CD84: variants seen among roughly 807,000 people sequenced by gnomAD.
CD84 encodes the protein SLAM family member 5.
Under a neutral mutation model 33.8 loss-of-function variants are expected in CD84, and 22 were observed. The ratio of observed to expected loss-of-function variants is 0.65; its 90% CI spans 0.46 to 0.93. CD84 has a LOEUF of 0.93. Ranked by LOEUF, CD84 falls within the 40% of genes least tolerant of loss-of-function variation. The probability of loss-of-function intolerance (pLI) is 0.00; values close to 1 mark genes in which losing one functional copy is unlikely to be tolerated. For synonymous variants in CD84, 154 were observed against 145.2 expected (o/e 1.06, Z -0.44); for missense variants, 400 against 397.6 (o/e 1.01, Z -0.05).
In CD84 at chr1:160,546,869, C is replaced by A. The variant is rs3733266; in HGVS notation, c.*1387G>T. The A allele has an allele frequency of 1.4e-5, 5 of 360,214 alleles. No individual in the cohort carries two copies. Among genetic ancestry groups the A allele is most frequent in the East Asian group, 4.1e-5 (1 of 24,676 alleles). 22.3% of individuals were successfully genotyped at this position (360,214 alleles called of 1,614,324 possible). ...CTTCTACTTTGGGGCCTTGCAGCTC[C>A]TAACATAGTGCTAATGGTAGTTGGT... On this transcript the variant is annotated 3_prime_UTR_variant, in exon 7 of 7. Coordinates refer to ENST00000368054, the MANE Select transcript of CD84 (RefSeq NM_003874.4).
intron 1 of CD84, among the ~76,000 whole-genome samples, chr1:160,574,800 T>C (rs970296844): frequency 2.8e-4 from 42 of 152,154 alleles, no homozygotes; most frequent in African/African-American, 9.4e-4. Flanking sequence ...AAGGTAATAG[T>C]AGCACAATAT....
chr1:160,553,341 G>A (rs771333250), intron 4 of CD84, 37 bp downstream of exon 4: 46 of 1,613,968 alleles, frequency 2.9e-5, no homozygotes, highest in Admixed American at 1.8e-4. Flanking sequence ...AGGAGAGAAG[G>A]TGAGTTTCCA....
Position 160,547,368 on chromosome 1 carries a change from T to A in CD84, c.*888A>T, listed in dbSNP as rs1655889910. 2.5e-6 allele frequency: 1 copy of A among 395,326 alleles called. No individual in the cohort carries two copies. Among genetic ancestry groups the A allele is most frequent in the Non-Finnish European group, 4.5e-6 (1 of 224,458 alleles). The allele number at this position is 395,326 out of a possible 1,614,324, so 24.5% of individuals were successfully genotyped here. A position where few individuals can be genotyped will look rare whatever the true frequency, so the allele number is the denominator to read the frequency against. ...TTTTGGAGAGTGGGAATACTGGGCATGGCTGCTTCTTCTGCTGAGGCTGCT... is the reference window on the plus strand; with the variant it reads ...TTTTGGAGAGTGGGAATACTGGGCAAGGCTGCTTCTTCTGCTGAGGCTGCT... On this transcript the variant is annotated 3_prime_UTR_variant, in exon 7 of 7. Transcript: ENST00000368054.
At chr1:160,561,807 CA>C (rs2102168734) in intron 2 of CD84, among the ~76,000 whole-genome samples, 1 of 152,286 alleles carries the variant, frequency 6.6e-6, no homozygotes, top group Admixed American at 6.5e-5. Flanking sequence ...TAAACAACTT[CA>C]GCAATCCTCA....
chr1:160,573,125 G>A lies in CD84; in HGVS notation c.46+6267C>T, dbSNP rs932329991. Among the ~76,000 whole-genome samples, 5 of 152,214 alleles carry A rather than the reference G, an allele frequency of 3.3e-5. No individual in the cohort carries two copies. In the South Asian group the frequency reaches 6.2e-4, roughly 19 times the overall value. ...TGACTAGAAGAAGACAATAGGGATC[G>A]TGAGAAAAAGAAGAATATTTGAAAA... On this transcript the variant is annotated intron_variant, in intron 1 of 6. Transcript: ENST00000368054.
chr1:160,579,305 C>A, intron 1 of CD84, 87 bp downstream of exon 1: 2 of 1,588,922 alleles, frequency 1.3e-6, no homozygotes, highest in Non-Finnish European at 1.7e-6. Context: ...AAACACAGAT[C>A]AAAAAGACAG....
rs181541747 is a variant in CD84, at chr1:160,573,191, T to C, written c.46+6201A>G. Among the ~76,000 whole-genome samples, 165 of 152,172 alleles carry C rather than the reference T, an allele frequency of 1.1e-3. 1 individual carries two copies. Among genetic ancestry groups the C allele is most frequent in the African/African-American group, 3.8e-3 (158 of 41,508 alleles). ...GAAAAGAATCAGAAACCCATATATATAGATTGTATAAAGATTGTTGAGGTA... is the reference window on the plus strand; with the variant it reads ...GAAAAGAATCAGAAACCCATATATACAGATTGTATAAAGATTGTTGAGGTA... On this transcript the variant is annotated intron_variant, in intron 1 of 6. Coordinates refer to ENST00000368054, the MANE Select transcript of CD84 (RefSeq NM_003874.4).
At chr1:160,566,024 G>A (rs181077387) in intron 1 of CD84, among the ~76,000 whole-genome samples, 1 of 152,176 alleles carries the variant, frequency 6.6e-6, no homozygotes. Flanking sequence ...CTGAAAGCTA[G>A]AAGGCATTTG....
chr1:160,548,565 G>A (rs1344224247), intron 6 of CD84, among the ~76,000 whole-genome samples: 1 of 152,156 alleles, frequency 6.6e-6, no homozygotes, highest in Non-Finnish European at 1.5e-5. Context: ...AGCAATGGGA[G>A]GGAATGGGGG....
chr1:160,574,183 A>T (rs936830181), intron 1 of CD84, among the ~76,000 whole-genome samples: 2 of 151,918 alleles, frequency 1.3e-5, no homozygotes, highest in African/African-American at 4.8e-5. Context: ...TAGAAAAACA[A>T]GGCAGAAAAT....
At position 160,569,793 on chromosome 1, in the gene CD84, T is replaced by C. The variant is rs114385934; in HGVS notation, c.47-4048A>G. Among the ~76,000 whole-genome samples the C allele has an allele frequency of 5.6e-3, 846 of 152,068 alleles. 16 individuals carry two copies. The highest frequency in any genetic ancestry group is 0.02 in the African/African-American group (812 of 41,474). Reference sequence around the variant, plus strand: ...CAAGTCCTCGGATCCTGAACAAAAGTTTAGAAGCAGAACCTGTGATGTTAA... The same window carrying C: ...CAAGTCCTCGGATCCTGAACAAAAGCTTAGAAGCAGAACCTGTGATGTTAA... On this transcript the variant is annotated intron_variant, in intron 1 of 6. Transcript: ENST00000368054.
At position 160,547,302 on chromosome 1, in the gene CD84, C is replaced by T. The variant is rs997973537; in HGVS notation, c.*954G>A. The T allele has an allele frequency of 2.5e-6, 1 of 397,474 alleles. No individual in the cohort carries two copies. The highest frequency in any genetic ancestry group is 3.6e-5 in the East Asian group (1 of 28,054). The allele number at this position is 397,474 out of a possible 1,614,324, so 24.6% of individuals were successfully genotyped here. On this transcript the variant is annotated 3_prime_UTR_variant, in exon 7 of 7. Coordinates refer to ENST00000368054, the MANE Select transcript of CD84 (RefSeq NM_003874.4). Reference sequence around the variant, plus strand: ...TCTATTTTGATGGTTGGATTATACCCAGTTCCCCAGAAGTGTGAGAAATAT... The same window carrying T: ...TCTATTTTGATGGTTGGATTATACCTAGTTCCCCAGAAGTGTGAGAAATAT...
intron 2 of CD84, among the ~76,000 whole-genome samples, chr1:160,560,342 T>A (rs2102162907): frequency 6.6e-6 from 1 of 152,218 alleles, no homozygotes. Context: ...ATTAAGAAAT[T>A]CACTCATAAC....
rs747139196 is a variant in CD84, at chr1:160,553,375, T to C, written c.760+3A>G. The C allele has an allele frequency of 9.3e-6, 15 of 1,614,156 alleles. No individual in the cohort carries two copies. Among genetic ancestry groups the C allele is most frequent in the Non-Finnish European group, 1.2e-5 (14 of 1,180,032 alleles). On this transcript the variant is annotated splice_donor_region_variant and intron_variant, in intron 4 of 6. Transcript: ENST00000368054. ...CACATTTTACCTTCTGGGAAAATCC[T>C]ACCTTGTCTTCTCTTGAACAAACGG...
At chr1:160,551,139 G>A (rs374232657) in intron 4 of CD84, 104 bp from the exon 5 acceptor site, 120 of 842,044 alleles carry the variant, frequency 1.4e-4, no homozygotes, top group Non-Finnish European at 3.4e-5. Flanking sequence ...GAAGCCCCCA[G>A]GGATTAAATG....
chr1:160,558,104 T>C (rs1656725228), intron 2 of CD84, among the ~76,000 whole-genome samples: 2 of 152,186 alleles, frequency 1.3e-5, no homozygotes, highest in Admixed American at 1.3e-4. Flanking sequence ...GAGCCTCCAA[T>C]GCAGCACACC....
rs1177963440 is a variant in CD84 at position 160,545,308 on chromosome 1, T to C, written c.*2948A>G. 1 of 152,194 alleles carries C rather than the reference T, an allele frequency of 6.6e-6. No homozygotes were observed. The highest frequency in any genetic ancestry group is 1.5e-5 in the Non-Finnish European group (1 of 68,038). 9.4% of individuals were successfully genotyped at this position (152,194 alleles called of 1,614,324 possible). A position where few individuals can be genotyped will look rare whatever the true frequency, so the allele number is the denominator to read the frequency against. The stretch of plus-strand genomic sequence containing the variant: ...TAGTAATTTTACTTGAGTGAGCATA[T>C]TAGGAAGAGGAAGAGGGCAAGTTAG... On this transcript the variant is annotated 3_prime_UTR_variant, in exon 7 of 7. Coordinates refer to ENST00000368054, the MANE Select transcript of CD84 (RefSeq NM_003874.4).
chr1:160,564,752 G>A (rs1657212109), intron 2 of CD84, among the ~76,000 whole-genome samples: 1 of 152,170 alleles, frequency 6.6e-6, no homozygotes, highest in Non-Finnish European at 1.5e-5. Context: ...TTCAGGGACT[G>A]GGGAAGGGAA....
At chr1:160,550,913 G>T in intron 5 of CD84, 25 bp downstream of exon 5, 1 of 1,608,404 alleles carries the variant, frequency 6.2e-7, no homozygotes, top group Admixed American at 1.7e-5. Flanking sequence ...TGGCACAGGG[G>T]TGTCCATGAA....
Sources: allele counts gnomAD v4.1 joint callset (sites outside exome capture counted in the v4.1 genomes callset), GRCh38; gene constraint gnomAD v4.1.1; transcripts MANE v1.5; gene names NCBI Gene and HGNC (gene_info 2026-07-23, HGNC 2026-07-21).